Variants in PRKCB observed in about 807,000 individuals in gnomAD.
PRKCB encodes the protein protein kinase C beta type.
PRKCB carries 13 observed loss-of-function variants against 81.5 expected under a neutral mutation model. The ratio of observed to expected loss-of-function variants is 0.16; its 90% CI spans 0.10 to 0.25. The LOEUF (loss-of-function observed/expected upper bound fraction) is 0.25. Ranked by LOEUF, PRKCB falls within the 10% of genes least tolerant of loss-of-function variation. The pLI is 1.00. For synonymous variants in PRKCB, 335 were observed against 321.4 expected (o/e 1.04, Z -0.45); for missense variants, 509 against 875.7 (o/e 0.58, Z 5.29).
At chr16:24,007,484 T>G (rs1257734791) in intron 3 of PRKCB, among the ~76,000 whole-genome samples, 5 of 152,190 alleles carry the variant, frequency 3.3e-5, no homozygotes, top group Non-Finnish European at 7.3e-5. Flanking sequence ...ATTCTTCTGC[T>G]CTCATTTGCC....
chr16:24,154,862 C>A lies in PRKCB; in HGVS notation c.1239+5C>A, dbSNP rs1476323744. On this transcript the variant is annotated splice_donor_5th_base_variant and intron_variant, in intron 10 of 16. Coordinates refer to ENST00000643927, the MANE Select transcript of PRKCB (RefSeq NM_002738.7). ...CACTCCTGCTTCCAGACCATGGTAA[C>A]TTGTCCCATGGCCCTGGGTATTCCA... 1 of 1,612,674 alleles carries A rather than the reference C, an allele frequency of 6.2e-7. No individual in the cohort carries two copies. Among genetic ancestry groups the A allele is most frequent in the Non-Finnish European group, 8.5e-7 (1 of 1,179,418 alleles).
At chr16:23,898,645 G>A (rs796080359) in intron 2 of PRKCB, among the ~76,000 whole-genome samples, 1 of 152,168 alleles carries the variant, frequency 6.6e-6, no homozygotes, top group Non-Finnish European at 1.5e-5. Context: ...CAAAAACTAG[G>A]TGAAGATTGG....
At chr16:24,015,462 G>GA (rs1252006668) in intron 3 of PRKCB, among the ~76,000 whole-genome samples, 3 of 152,304 alleles carry the variant, frequency 2.0e-5, no homozygotes, top group Non-Finnish European at 4.4e-5. Flanking sequence ...AACAGGTCAC[G>GA]GGGGTTGAGG....
chr16:23,956,721 A>G (rs1964353988), intron 2 of PRKCB, among the ~76,000 whole-genome samples: 1 of 152,238 alleles, frequency 6.6e-6, no homozygotes, highest in African/African-American at 2.4e-5. Flanking sequence ...CCTATTGTTA[A>G]GCCATGAAAC....
At chr16:24,083,294 A>G (rs559474628) in intron 5 of PRKCB, among the ~76,000 whole-genome samples, 1 of 152,334 alleles carries the variant, frequency 6.6e-6, no homozygotes, top group East Asian at 1.9e-4. Flanking sequence ...GCAGCTTCTT[A>G]TAAAGCTAAA....
At chr16:23,980,601 C>T (rs923251837) in intron 2 of PRKCB, among the ~76,000 whole-genome samples, 1 of 152,108 alleles carries the variant, frequency 6.6e-6, no homozygotes, top group African/African-American at 2.4e-5. Context: ...CTCCTGCTTC[C>T]AGAAACTTAG....
intron 5 of PRKCB, among the ~76,000 whole-genome samples, chr16:24,090,832 T>C (rs75738270): frequency 0.07 from 10,697 of 152,288 alleles, 470 homozygotes; most frequent in South Asian, 0.12. Context: ...GAGATAACTA[T>C]GATTGGGGGT....
chr16:23,933,805 T>TCCATCCAC (rs1270007001), intron 2 of PRKCB, among the ~76,000 whole-genome samples: 1 of 139,856 alleles, frequency 7.2e-6, no homozygotes, highest in Non-Finnish European at 1.6e-5. Flanking sequence ...CATCCATCCA[T>TCCATCCAC]CCACCCATCC....
At chr16:24,018,192 C>T (rs1965310677) in intron 3 of PRKCB, among the ~76,000 whole-genome samples, 1 of 152,086 alleles carries the variant, frequency 6.6e-6, no homozygotes, top group African/African-American at 2.4e-5. Context: ...AGCCACTGCG[C>T]CCGGCCCATA....
intron 16 of PRKCB, among the ~76,000 whole-genome samples, chr16:24,214,328 G>A (rs1968190391): frequency 6.6e-6 from 1 of 152,008 alleles, no homozygotes; most frequent in Non-Finnish European, 1.5e-5. Context: ...TGACTTCTCG[G>A]GGTGGGTTGG....
intron 2 of PRKCB, among the ~76,000 whole-genome samples, chr16:23,898,952 GAAA>G: frequency 6.6e-6 from 1 of 152,292 alleles, no homozygotes; most frequent in African/African-American, 2.4e-5. Flanking sequence ...TAACGTCTGG[GAAA>G]TCCTTAGGTC....
At chr16:23,911,748 C>T (rs1319161726) in intron 2 of PRKCB, among the ~76,000 whole-genome samples, 2 of 151,886 alleles carry the variant, frequency 1.3e-5, no homozygotes. Context: ...GCCACGCTGG[C>T]CTCTGAACTG....
At chr16:24,105,135 C>T (rs925319307) in intron 7 of PRKCB, among the ~76,000 whole-genome samples, 3 of 151,794 alleles carry the variant, frequency 2.0e-5, no homozygotes, top group African/African-American at 7.3e-5. Context: ...CAGCTCACTG[C>T]AACCTCTGCC....
chr16:23,979,446 G>T lies in PRKCB; in HGVS notation c.206-9062G>T, dbSNP rs72779918. 2.5e-3 allele frequency among the ~76,000 whole-genome samples: 382 copies of T among 152,214 alleles called. 1 individual carries two copies. Among genetic ancestry groups the T allele is most frequent in the Non-Finnish European group, 4.2e-3 (283 of 68,016 alleles). ...TGGATTTAGATCCTTTGTGTTTATG[G>T]AAACTTGGGCTCATAGGGATGAGAT... On this transcript the variant is annotated intron_variant, in intron 2 of 16. Transcript: ENST00000643927.
Position 24,215,196 on chromosome 16 carries a change from C to A in PRKCB, c.*380C>A, listed in dbSNP as rs1195638834. On this transcript the variant is annotated 3_prime_UTR_variant, in exon 17 of 17. Transcript: ENST00000643927. ...TGGATAATTGGATGTTAGCGGTACT[C>A]TTCCACTTCCGGGCCTGGAGCTTGG... 9.9e-7 allele frequency: 1 copy of A among 1,014,600 alleles called. No homozygotes were observed. Among genetic ancestry groups the A allele is most frequent in the Non-Finnish European group, 1.2e-6 (1 of 847,260 alleles). The allele number at this position is 1,014,600 out of a possible 1,614,324, so 62.8% of individuals were successfully genotyped here.
rs76546001 is a variant in PRKCB at position 24,145,675 on chromosome 16, G to A, written c.1066-9009G>A. On this transcript the variant is annotated intron_variant, in intron 9 of 16. Transcript: ENST00000643927. ...GGCAAGTGTATGTTGAAGTTGAGCA[G>A]TTGGGAAGCAAGATCTTGGGTCCCT... Among the ~76,000 whole-genome samples the A allele has an allele frequency of 5.5e-3, 834 of 152,346 alleles. 6 individuals are homozygous for A. Among genetic ancestry groups the A allele is most frequent in the African/African-American group, 0.019 (807 of 41,582 alleles).
chr16:24,186,636 A>C (rs781182262), intron 15 of PRKCB, among the ~76,000 whole-genome samples: 18 of 152,184 alleles, frequency 1.2e-4, no homozygotes, highest in Admixed American at 2.6e-4. Context: ...TTCATGCCCT[A>C]CTTTGTTCTT....
At chr16:24,129,915 T>G (rs1251207935) in intron 9 of PRKCB, among the ~76,000 whole-genome samples, 1 of 152,204 alleles carries the variant, frequency 6.6e-6, no homozygotes, top group African/African-American at 2.4e-5. Context: ...AATGGAAAAG[T>G]TGAAATGATT....
chr16:23,845,926 T>C (rs907634253), intron 2 of PRKCB, among the ~76,000 whole-genome samples: 1 of 152,108 alleles, frequency 6.6e-6, no homozygotes, highest in African/African-American at 2.4e-5. Context: ...TGAAAATAAA[T>C]AAAAAGAGAG....
Sources: gnomAD v4.1 joint callset for allele counts (sites outside exome capture counted in the v4.1 genomes callset) on GRCh38, gnomAD v4.1.1 for gene constraint, MANE v1.5 for transcripts, NCBI Gene and HGNC (gene_info 2026-07-23, HGNC 2026-07-21) for gene names.